FAM20A: variants seen among roughly 807,000 people sequenced by gnomAD.
FAM20A encodes pseudokinase FAM20A.
A neutral mutation model predicts 52.0 loss-of-function variants in FAM20A; 42 were observed. That is an observed-to-expected ratio of 0.81 (90% CI 0.63 to 1.04). The LOEUF is 1.04. FAM20A is among the 50% of genes least tolerant of loss of function. The pLI, the probability that FAM20A is intolerant of heterozygous loss-of-function variation, is 0.00. For missense variants in FAM20A, 742 were observed against 712.7 expected, an observed-to-expected ratio of 1.04 and a Z score of -0.47; for synonymous variants, 304 against 298.9, an observed-to-expected ratio of 1.02 and a Z score of -0.18.
In FAM20A at chr17:68,537,386, A is replaced by T; in HGVS notation, c.*91T>A. 1 of 1,505,280 alleles carries T rather than the reference A, an allele frequency of 6.6e-7. No homozygotes were observed. The highest frequency in any genetic ancestry group is 9.2e-7 in the Non-Finnish European group (1 of 1,086,826). 93.2% of individuals were successfully genotyped at this position (1,505,280 alleles called of 1,614,324 possible). ...CTTCCTAGCTGACTTGACTCCCAGC[A>T]GTAACAGGTGGGAGTGAGGACGCAG... On this transcript the variant is annotated 3_prime_UTR_variant, in exon 11 of 11. Transcript: ENST00000592554. This position sits in a 1 kb window ranked among gnomAD's most constrained non-coding sequence, Gnocchi z 4.2.
At chr17:68,547,968 C>T (rs2086645517) in intron 4 of FAM20A, among the ~76,000 whole-genome samples, 1 of 152,208 alleles carries the variant, frequency 6.6e-6, no homozygotes, top group South Asian at 2.1e-4. Context: ...GACACTCCTC[C>T]TTTCATGTGA....
At chr17:68,541,026 C>T (rs1490247823) in intron 7 of FAM20A, 68 bp from the exon 8 acceptor site, 2 of 1,546,272 alleles carry the variant, frequency 1.3e-6, no homozygotes, top group Non-Finnish European at 1.7e-6. Flanking sequence ...TCTCCCCACA[C>T]CTCCCCCTGC....
rs752919201 is a variant in FAM20A at position 68,600,621 on chromosome 17, CCAG to C, written c.43_45del (p.Leu15del). 11 of 1,562,538 alleles carry C rather than the reference CCAG, an allele frequency of 7.0e-6. No individual in the cohort carries two copies. The highest frequency in any genetic ancestry group is 4.7e-5 in the East Asian group (2 of 42,918). ...TAGAGGTCGGCGGAGAGCAGCGCGC[CCAG>C]CAGCAGCAGAGTCAGTAGGCGGTCC... On this transcript the variant is annotated inframe_deletion, in exon 1 of 11. Transcript: ENST00000592554. The surrounding 1 kb of genome is among the most constrained non-coding windows in gnomAD (Gnocchi z 6.2).
rs142754465 is a variant in FAM20A, at chr17:68,548,522, T to A, written c.719+3351A>T. Among the ~76,000 whole-genome samples, 236 of 151,328 alleles carry A rather than the reference T, an allele frequency of 1.6e-3. 3 individuals carry two copies. The East Asian group carries it at 0.026, about 16-fold the overall frequency. Reference sequence around the variant, plus strand: ...TCCAGCCTGGGCAACAGAGTGAGACTCTGTCTCAAAAAAAAAAAGTTTGAA... The same window carrying A: ...TCCAGCCTGGGCAACAGAGTGAGACACTGTCTCAAAAAAAAAAAGTTTGAA... On this transcript the variant is annotated intron_variant, in intron 4 of 10. Transcript: ENST00000592554.
At chr17:68,597,989 G>C (rs969751430) in intron 1 of FAM20A, 2 of 147,400 alleles carry the variant, frequency 1.4e-5, no homozygotes, top group Admixed American at 1.4e-4. Flanking sequence ...CCTGGCTAAT[G>C]AATCTTCTGT....
At chr17:68,572,383 G>T (rs2087588721) in intron 1 of FAM20A, among the ~76,000 whole-genome samples, 1 of 152,124 alleles carries the variant, frequency 6.6e-6, no homozygotes, top group African/African-American at 2.4e-5. Flanking sequence ...AGGCGTATTT[G>T]TTGAGCACTT....
intron 8 of FAM20A, chr17:68,540,464 G>C (rs1224488637): frequency 4.3e-6 from 2 of 469,148 alleles, no homozygotes; most frequent in Non-Finnish European, 8.5e-6. Flanking sequence ...GGGCCTGGAA[G>C]GTGGAATTAC....
At chr17:68,571,939 AAT>A (rs1255994938) in intron 1 of FAM20A, among the ~76,000 whole-genome samples, 1 of 138,790 alleles carries the variant, frequency 7.2e-6, no homozygotes, top group African/African-American at 2.6e-5. Context: ...CTTATGTAGA[AAT>A]ATATATATGT....
intron 1 of FAM20A, among the ~76,000 whole-genome samples, chr17:68,573,112 G>A (rs553601274): frequency 5.9e-5 from 9 of 152,298 alleles, no homozygotes; most frequent in African/African-American, 2.2e-4. Context: ...AAATGCTGCT[G>A]TATCTGTAAA....
chr17:68,539,832 C>T (rs2086210342), intron 9 of FAM20A, 53 bp downstream of exon 9: 1 of 1,570,708 alleles, frequency 6.4e-7, no homozygotes, highest in Non-Finnish European at 8.8e-7. Context: ...GCTGGCTGCA[C>T]AGAGCAGCAC....
chr17:68,543,846 G>A (rs377118792), intron 4 of FAM20A, 125 bp from the exon 5 acceptor site: 12 of 822,762 alleles, frequency 1.5e-5, no homozygotes, highest in Admixed American at 1.2e-4. Context: ...ACACACAGGC[G>A]ATGGCACGGC....
intron 1 of FAM20A, among the ~76,000 whole-genome samples, chr17:68,585,730 A>G (rs772385264): frequency 1.3e-5 from 2 of 152,184 alleles, no homozygotes; most frequent in Admixed American, 6.5e-5. Context: ...GAGATGAGAC[A>G]AGAAAGCAGG....
chr17:68,580,757 G>A (rs1324733231), intron 1 of FAM20A, among the ~76,000 whole-genome samples: 1 of 152,192 alleles, frequency 6.6e-6, no homozygotes, highest in Non-Finnish European at 1.5e-5. Flanking sequence ...TACCTCTTAT[G>A]TGGCACTCAC....
At position 68,555,670 on chromosome 17, in the gene FAM20A, T is replaced by G; in HGVS notation, c.478A>C (p.Ser160Arg). 1 of 1,613,922 alleles carries G rather than the reference T, an allele frequency of 6.2e-7. No homozygotes were observed. Among genetic ancestry groups the G allele is most frequent in the Non-Finnish European group, 8.5e-7 (1 of 1,180,036 alleles). Residue 160 changes from serine to arginine, a missense_variant, in exon 2 of 11, where the codon AGC becomes CGC. Ser to Arg is a moderately radical substitution (Grantham distance 110, BLOSUM62 -1). Transcript: ENST00000592554. ...DPPLQLRLEA[S>R]WVQFHLGINR... is the part of the protein sequence containing the mutation. ...ATACCCAGGTGGAACTGGACCCAGC[T>G]GGCCTCGAGTCGGAGCTGCAGTGGG...
At chr17:68,598,847 T>C (rs1402802223) in intron 1 of FAM20A, among the ~76,000 whole-genome samples, 3 of 152,206 alleles carry the variant, frequency 2.0e-5, no homozygotes. Flanking sequence ...CTCAGATCCA[T>C]AGTAGACATA....
rs2086115317 is a variant in FAM20A, at chr17:68,537,039, A to G, written c.*438T>C. On this transcript the variant is annotated 3_prime_UTR_variant, in exon 11 of 11. Coordinates refer to ENST00000592554, the MANE Select transcript of FAM20A (RefSeq NM_017565.4). This position sits in a 1 kb window ranked among gnomAD's most constrained non-coding sequence, Gnocchi z 4.2. The stretch of plus-strand genomic sequence containing the variant: ...TGGCCCAAAGTGCAGATTTTTAGTC[A>G]GCTTGTGATAGGCCAGGTGTTTTGT... The G allele has an allele frequency of 2.2e-6, 1 of 455,968 alleles. No homozygotes were observed. Among genetic ancestry groups the G allele is most frequent in the Non-Finnish European group, 4.4e-6 (1 of 228,222 alleles). The allele number at this position is 455,968 out of a possible 1,614,324, so 28.2% of individuals were successfully genotyped here. A position where few individuals can be genotyped will look rare whatever the true frequency, so the allele number is the denominator to read the frequency against.
intron 1 of FAM20A, among the ~76,000 whole-genome samples, 153 bp from the exon 2 acceptor site, chr17:68,555,896 C>G (rs1481676686): frequency 6.6e-6 from 1 of 152,180 alleles, no homozygotes; most frequent in African/African-American, 2.4e-5. Flanking sequence ...CTTAGGATAT[C>G]TTGGGGAGCA....
chr17:68,540,642 G>C (rs917089032), intron 8 of FAM20A: 8 of 683,584 alleles, frequency 1.2e-5, no homozygotes, highest in Non-Finnish European at 1.8e-5. Flanking sequence ...TATGAGTGAC[G>C]ACCCCTTGAG....
At chr17:68,599,076 C>G (rs1489874644) in intron 1 of FAM20A, among the ~76,000 whole-genome samples, 2 of 152,186 alleles carry the variant, frequency 1.3e-5, no homozygotes, top group Admixed American at 1.3e-4. Flanking sequence ...AGTGATTCAG[C>G]CAACAACTCA....
Sources: gnomAD v4.1 joint callset for allele counts (sites outside exome capture counted in the v4.1 genomes callset) on GRCh38, gnomAD v4.1.1 for gene constraint, Gnocchi (gnomAD v3.1) non-coding constraint, MANE v1.5 for transcripts, NCBI Gene and HGNC (gene_info 2026-07-23, HGNC 2026-07-21) for gene names.